ROBO2: variants seen among roughly 807,000 people sequenced by gnomAD.
The protein encoded by ROBO2 is roundabout homolog 2.
ROBO2 carries 53 observed loss-of-function variants against 160.8 expected under a neutral mutation model. The ratio of observed to expected loss-of-function variants is 0.33; its 90% CI spans 0.26 to 0.41. The LOEUF is 0.41. Ranked by LOEUF, ROBO2 falls within the 10% of genes least tolerant of loss-of-function variation. ROBO2 has a pLI of 1.00. For synonymous variants in ROBO2, 664 were observed against 611.7 expected, an observed-to-expected ratio of 1.09 and a Z score of -1.26; for missense variants, 1,577 against 1,722.4, an observed-to-expected ratio of 0.92 and a Z score of 1.49.
intron 2 of ROBO2, among the ~76,000 whole-genome samples, chr3:77,260,593 A>G (rs1222835205): frequency 6.6e-6 from 1 of 152,150 alleles, no homozygotes; most frequent in African/African-American, 2.4e-5. Context: ...TGCAACACGA[A>G]GATTCAGCTC....
intron 2 of ROBO2, among the ~76,000 whole-genome samples, chr3:76,850,593 G>A (rs560160526): frequency 1.4e-4 from 21 of 152,030 alleles, no homozygotes; most frequent in South Asian, 6.2e-4. Flanking sequence ...CCCACAGTAC[G>A]GGGCTCGATG....
At chr3:76,088,851 A>G (rs2069118953) in intron 2 of ROBO2, among the ~76,000 whole-genome samples, 2 of 152,044 alleles carry the variant, frequency 1.3e-5, no homozygotes. Context: ...GAGAAAAGAA[A>G]TAATAAAAAT....
At chr3:76,483,812 G>A (rs899984833) in intron 2 of ROBO2, among the ~76,000 whole-genome samples, 3 of 151,976 alleles carry the variant, frequency 2.0e-5, no homozygotes, top group Non-Finnish European at 2.9e-5. Flanking sequence ...GAGAACATGC[G>A]GTATGTGGTT....
chr3:77,490,099 CTTTT>C (rs753903306), intron 4 of ROBO2, among the ~76,000 whole-genome samples: 1 of 126,658 alleles, frequency 7.9e-6, no homozygotes. Context: ...TTGTATTTTA[CTTTT>C]TTTTTTTTTT....
Position 76,073,285 on chromosome 3 carries a change from T to C in ROBO2, c.109+135683T>C. ...GAGTATTCTTTTTTTTTTTTTTTTT[T>C]TTTTTTTTTTTTTTTTTTTTTTTTT... On this transcript the variant is annotated intron_variant, in intron 2 of 26. Transcript: ENST00000487694. 7.2e-5 allele frequency among the ~76,000 whole-genome samples: 6 copies of C among 83,618 alleles called. 1 individual carries two copies. Among genetic ancestry groups the C allele is most frequent in the East Asian group, 3.6e-4 (1 of 2,782 alleles). The allele number at this position is 83,618 out of a possible 152,430, so 54.9% of individuals were successfully genotyped here.
At chr3:77,328,128 G>A (rs1316558724) in intron 2 of ROBO2, among the ~76,000 whole-genome samples, 1 of 148,582 alleles carries the variant, frequency 6.7e-6, no homozygotes, top group Admixed American at 6.7e-5. Context: ...TTACTCACCC[G>A]CTTTTCCTTC....
At chr3:77,362,517 A>G (rs1384671302) in intron 2 of ROBO2, among the ~76,000 whole-genome samples, 1 of 152,138 alleles carries the variant, frequency 6.6e-6, no homozygotes, top group East Asian at 1.9e-4. Context: ...GATTCTTGCT[A>G]AACTGACTTA....
At chr3:76,321,537 G>A (rs1246731512) in intron 2 of ROBO2, among the ~76,000 whole-genome samples, 1 of 151,948 alleles carries the variant, frequency 6.6e-6, no homozygotes, top group Non-Finnish European at 1.5e-5. Context: ...TATGCTACGT[G>A]TATCAACCCC....
At chr3:75,959,131 A>G (rs1948819080) in intron 2 of ROBO2, among the ~76,000 whole-genome samples, 1 of 151,724 alleles carries the variant, frequency 6.6e-6, no homozygotes. Context: ...AATTTTTAAC[A>G]TTTTGGAATG....
At chr3:76,468,275 A>T (rs543999365) in intron 2 of ROBO2, among the ~76,000 whole-genome samples, 1 of 152,142 alleles carries the variant, frequency 6.6e-6, no homozygotes, top group Admixed American at 6.6e-5. Context: ...CAGCACTTTA[A>T]ACAAATAACT....
In ROBO2 at chr3:75,924,751, C is replaced by G. The variant is rs557046149; in HGVS notation, c.-13-12730C>G. 5.3e-4 allele frequency among the ~76,000 whole-genome samples: 68 copies of G among 128,040 alleles called. No individual in the cohort carries two copies. In the East Asian group the frequency reaches 0.015, roughly 29 times the overall value. The allele number at this position is 128,040 out of a possible 152,430, so 84.0% of individuals were successfully genotyped here. A position where few individuals can be genotyped will look rare whatever the true frequency, so the allele number is the denominator to read the frequency against. ...TGGCTCAGGCTGGAGTGCAGTGGCACGATCTCGGCTCACTGCAAGCTCTGC... is the reference window on the plus strand; with the variant it reads ...TGGCTCAGGCTGGAGTGCAGTGGCAGGATCTCGGCTCACTGCAAGCTCTGC... On this transcript the variant is annotated intron_variant, in intron 1 of 26. Coordinates refer to the ROBO2 transcript ENST00000487694.
intron 2 of ROBO2, among the ~76,000 whole-genome samples, chr3:76,646,601 A>C (rs2090980716): frequency 6.6e-6 from 1 of 152,228 alleles, no homozygotes; most frequent in Non-Finnish European, 1.5e-5. Flanking sequence ...TAAAGTATTT[A>C]GCACAATTCC....
intron 2 of ROBO2, among the ~76,000 whole-genome samples, chr3:76,803,331 C>G (rs901448919): frequency 2.6e-5 from 4 of 151,186 alleles, no homozygotes; most frequent in Non-Finnish European, 4.4e-5. Context: ...TTCTGCCTAA[C>G]CTGAAAAGGA....
chr3:77,165,571 T>TAAAAA (rs58426930), intron 2 of ROBO2, among the ~76,000 whole-genome samples: 1 of 150,570 alleles, frequency 6.6e-6, no homozygotes, highest in Non-Finnish European at 1.5e-5. Flanking sequence ...AAAAATAAAT[T>TAAAAA]AAAAAAAAAA....
chr3:77,211,805 TC>T lies in ROBO2; in HGVS notation c.388+113469del, dbSNP rs781636524. Among the ~76,000 whole-genome samples, 318 of 152,360 alleles carry T rather than the reference TC, an allele frequency of 2.1e-3. 1 individual carries two copies. Among genetic ancestry groups the T allele is most frequent in the Non-Finnish European group, 3.9e-3 (268 of 68,032 alleles). On this transcript the variant is annotated intron_variant, in intron 2 of 25. Transcript: ENST00000461745. ...GCTTTCTACATATGGCTACCCAGTT[TC>T]CCCAGCACCATTTATTAAATAGGGA... is the stretch of plus-strand genomic sequence containing the variant.
At chr3:76,253,362 C>A (rs1246528009) in intron 2 of ROBO2, among the ~76,000 whole-genome samples, 2 of 151,844 alleles carry the variant, frequency 1.3e-5, no homozygotes, top group African/African-American at 4.8e-5. Context: ...AGTATTGACT[C>A]CCTAGGCTCA....
intron 2 of ROBO2, among the ~76,000 whole-genome samples, chr3:76,504,606 G>T (rs1013703852): frequency 2.4e-5 from 3 of 123,224 alleles, no homozygotes; most frequent in African/African-American, 9.4e-5. Flanking sequence ...TCAGCTCATT[G>T]CAACCTCTGC....
chr3:76,767,313 T>C (rs1364127284), intron 2 of ROBO2, among the ~76,000 whole-genome samples: 1 of 151,652 alleles, frequency 6.6e-6, no homozygotes, highest in East Asian at 2.0e-4. Context: ...ATTTCACTTT[T>C]AGATAAATAC....
At chr3:77,632,771 A>G in intron 23 of ROBO2, 1 of 898,496 alleles carries the variant, frequency 1.1e-6, no homozygotes, top group East Asian at 2.7e-5. Flanking sequence ...TTTCTTTAAT[A>G]CGCATGAATA....
Sources: allele counts gnomAD v4.1 joint callset (sites outside exome capture counted in the v4.1 genomes callset), GRCh38; gene constraint gnomAD v4.1.1; transcripts MANE v1.5; gene names NCBI Gene and HGNC (gene_info 2026-07-23, HGNC 2026-07-21).